The following SNX29 variants were observed in gnomAD, a reference collection of about 807,000 sequenced individuals.
SNX29 encodes the protein sorting nexin 29.
SNX29 carries 78 observed loss-of-function variants against 102.1 expected under a neutral mutation model. The observed-to-expected ratio is 0.76, with a 90% CI of 0.64 to 0.92. SNX29 has a LOEUF of 0.92. Among genes scored for constraint, SNX29 ranks in the 40% least tolerant of loss-of-function variants. SNX29 has a pLI of 0.00. For synonymous variants in SNX29, 580 were observed against 414.5 expected (o/e 1.40, Z -4.85); for missense variants, 1,280 against 1,061.7 (o/e 1.21, Z -2.86).
At chr16:12,152,382 C>T in intron 13 of SNX29, among the ~76,000 whole-genome samples, 1 of 152,166 alleles carries the variant, frequency 6.6e-6, no homozygotes, top group East Asian at 1.9e-4. Context: ...GAAGATGGGA[C>T]ACCTGCAGAT....
intron 15 of SNX29, among the ~76,000 whole-genome samples, chr16:12,325,764 T>C (rs908571292): frequency 6.6e-6 from 1 of 152,124 alleles, no homozygotes; most frequent in East Asian, 1.9e-4. Flanking sequence ...CAGGGGGTTA[T>C]GCCTGTGATC....
intron 15 of SNX29, among the ~76,000 whole-genome samples, chr16:12,304,858 A>G (rs1234795721): frequency 3.3e-5 from 5 of 152,208 alleles, no homozygotes; most frequent in Non-Finnish European, 7.3e-5. Context: ...ATTTTACGAG[A>G]ACATTCTGGA....
intron 15 of SNX29, among the ~76,000 whole-genome samples, chr16:12,299,686 AC>A (rs1189630476): frequency 8.1e-5 from 12 of 148,740 alleles, no homozygotes; most frequent in Non-Finnish European, 1.8e-4. Flanking sequence ...CTTCTTCCCC[AC>A]CTGCCTCTTC....
At chr16:12,482,118 A>T (rs1302743211) in intron 19 of SNX29, among the ~76,000 whole-genome samples, 1 of 152,132 alleles carries the variant, frequency 6.6e-6, no homozygotes, top group African/African-American at 2.4e-5. Flanking sequence ...GAGTGTGTTG[A>T]TTCTACATTG....
Position 12,091,233 on chromosome 16 carries a change from G to T in SNX29, c.1402+12318G>T, listed in dbSNP as rs1057414805. ...TTGCTGAAGGTCATACTGCTATTGG[G>T]TGGTGGAGGCAGGGTTCACACCCGC... On this transcript the variant is annotated intron_variant, in intron 11 of 20. Transcript: ENST00000566228. Among the ~76,000 whole-genome samples the T allele has an allele frequency of 3.9e-5, 6 of 152,028 alleles. No homozygotes were observed. In the East Asian group the frequency reaches 1.2e-3, roughly 29 times the overall value.
intron 20 of SNX29, among the ~76,000 whole-genome samples, chr16:12,550,267 A>T (rs2856777): frequency 0.34 from 51,663 of 152,082 alleles, 10,889 homozygotes; most frequent in East Asian, 0.73. Flanking sequence ...CCAGACACAG[A>T]GGCTTATACC....
In SNX29 at chr16:12,513,428, C is replaced by A. The variant is rs541219188; in HGVS notation, c.2179-11274C>A. Among the ~76,000 whole-genome samples the A allele has an allele frequency of 5.3e-5, 8 of 152,078 alleles. No homozygotes were observed. In the South Asian group the frequency reaches 1.7e-3, roughly 32 times the overall value. ...CTACTCAGTTCTCTTTCCTCCTACC[C>A]TCTCCTCTTCCCTGCGCTGCCTTCC... On this transcript the variant is annotated intron_variant, in intron 19 of 20. Transcript: ENST00000566228.
intron 20 of SNX29, among the ~76,000 whole-genome samples, chr16:12,555,038 C>G (rs921317295): frequency 1.3e-5 from 2 of 151,656 alleles, no homozygotes; most frequent in African/African-American, 4.9e-5. Context: ...CTGGTGCCAC[C>G]GAGCAGCCTC....
chr16:12,365,640 G>C (rs192276110), intron 16 of SNX29, among the ~76,000 whole-genome samples: 88 of 150,458 alleles, frequency 5.8e-4, no homozygotes, highest in African/African-American at 1.7e-3. Context: ...CAATTGAGCC[G>C]AGATCACGCA....
chr16:12,041,815 A>G lies in SNX29; in HGVS notation c.248-1082A>G, dbSNP rs568463869. Reference sequence around the variant, plus strand: ...AGTTGCATAGACTCTTTTACTATATAAGGTAATATTCAGAGAATTCTGGAG... The same window carrying G: ...AGTTGCATAGACTCTTTTACTATATGAGGTAATATTCAGAGAATTCTGGAG... On this transcript the variant is annotated intron_variant, in intron 4 of 20. Transcript: ENST00000566228. Among the ~76,000 whole-genome samples, 9 of 152,314 alleles carry G rather than the reference A, an allele frequency of 5.9e-5. No individual in the cohort carries two copies. The South Asian group carries it at 1.0e-3, about 18-fold the overall frequency.
intron 14 of SNX29, among the ~76,000 whole-genome samples, chr16:12,206,563 C>G (rs145589150): frequency 1.1e-3 from 160 of 152,228 alleles, no homozygotes; most frequent in Non-Finnish European, 1.9e-3. Context: ...CCATCCCTCA[C>G]TGTGTGCTGG....
intron 15 of SNX29, among the ~76,000 whole-genome samples, chr16:12,289,834 G>A (rs1008210447): frequency 1.2e-4 from 18 of 152,050 alleles, no homozygotes; most frequent in African/African-American, 4.3e-4. Flanking sequence ...AGAAGGAGTC[G>A]TGTGGCCTTG....
At chr16:12,429,285 A>C (rs1475091430) in intron 18 of SNX29, among the ~76,000 whole-genome samples, 1 of 152,252 alleles carries the variant, frequency 6.6e-6, no homozygotes, top group African/African-American at 2.4e-5. Flanking sequence ...CCACACAGAC[A>C]CAACTGAAAT....
intron 11 of SNX29, among the ~76,000 whole-genome samples, chr16:12,101,708 TG>T (rs1258120505): frequency 6.6e-6 from 1 of 152,186 alleles, no homozygotes; most frequent in African/African-American, 2.4e-5. Context: ...AATCATCTTA[TG>T]TTGGCAGCTG....
intron 13 of SNX29, among the ~76,000 whole-genome samples, chr16:12,167,420 T>G (rs1478901510): frequency 6.6e-6 from 1 of 152,190 alleles, no homozygotes; most frequent in Non-Finnish European, 1.5e-5. Context: ...TTGATATTTC[T>G]TGTTCCTTCC....
chr16:12,560,018 A>C (rs911738681), intron 20 of SNX29, among the ~76,000 whole-genome samples: 1 of 152,172 alleles, frequency 6.6e-6, no homozygotes, highest in African/African-American at 2.4e-5. Flanking sequence ...TACATTTTGG[A>C]AGACTTAGTA....
chr16:12,505,069 A>G (rs1416797570), intron 19 of SNX29, among the ~76,000 whole-genome samples: 1 of 152,238 alleles, frequency 6.6e-6, no homozygotes, highest in Non-Finnish European at 1.5e-5. Context: ...CAGGAATTTA[A>G]GACCAGCCTG....
intron 9 of SNX29, among the ~76,000 whole-genome samples, chr16:12,063,523 C>G (rs8050480): frequency 0.012 from 1,884 of 152,016 alleles, 20 homozygotes; most frequent in South Asian, 0.054. Flanking sequence ...TACAGGCATG[C>G]ACCACCATGC....
intron 11 of SNX29, chr16:12,094,927 A>G (rs2052707242): frequency 1.3e-5 from 2 of 152,270 alleles, no homozygotes; most frequent in South Asian, 4.1e-4. Context: ...AAATGAGCCT[A>G]AAGAAAATGA....
Sources: gnomAD v4.1 joint callset for allele counts (sites outside exome capture counted in the v4.1 genomes callset) on GRCh38, gnomAD v4.1.1 for gene constraint, MANE v1.5 for transcripts, NCBI Gene and HGNC (gene_info 2026-07-23, HGNC 2026-07-21) for gene names.